TARBP1: variants seen among roughly 807,000 people sequenced by gnomAD.
The protein encoded by TARBP1 is tRNA (guanosine(18)-2'-O)-methyltransferase TARBP1.
In TARBP1, 144 loss-of-function variants were observed where a neutral mutation model predicts 178.6. The observed-to-expected ratio is 0.81, with a 90% CI of 0.70 to 0.93. The LOEUF is 0.93. Among genes scored for constraint, TARBP1 ranks in the 40% least tolerant of loss-of-function variants. The pLI, the probability that TARBP1 is intolerant of heterozygous loss-of-function variation, is 0.00. For missense variants in TARBP1, 2,067 were observed against 2,011.7 expected (o/e 1.03, Z -0.53); for synonymous variants, 787 against 781.0 (o/e 1.01, Z -0.13).
At chr1:234,476,231 T>C (rs1318120207) in intron 1 of TARBP1, among the ~76,000 whole-genome samples, 1 of 152,102 alleles carries the variant, frequency 6.6e-6, no homozygotes, top group East Asian at 1.9e-4. Context: ...GAGAAAAACA[T>C]GATGGCAGAC....
At chr1:234,408,049 A>G (rs938663629) in intron 23 of TARBP1, 1 of 152,218 alleles carries the variant, frequency 6.6e-6, no homozygotes, top group Non-Finnish European at 1.5e-5. Flanking sequence ...TGGCACTGCC[A>G]GTGATCGCTC....
At chr1:234,456,895 A>C (rs1667338932) in intron 9 of TARBP1, among the ~76,000 whole-genome samples, 1 of 152,240 alleles carries the variant, frequency 6.6e-6, no homozygotes, top group African/African-American at 2.4e-5. Flanking sequence ...ATAAAACAAA[A>C]TTCTATTTTT....
At chr1:234,402,022 CCAA>C (rs1435306333) in intron 24 of TARBP1, among the ~76,000 whole-genome samples, 1 of 152,222 alleles carries the variant, frequency 6.6e-6, no homozygotes, top group Non-Finnish European at 1.5e-5. Context: ...CCTATCTCCC[CCAA>C]CTTCCGCATC....
At chr1:234,472,654 T>G in intron 2 of TARBP1, 60 bp downstream of exon 2, 1 of 1,192,442 alleles carries the variant, frequency 8.4e-7, no homozygotes, top group Non-Finnish European at 1.2e-6. Context: ...TTAATGAATG[T>G]TTTTAAAAAA....
At chr1:234,462,408 A>G (rs1456341534) in intron 6 of TARBP1, among the ~76,000 whole-genome samples, 2 of 152,140 alleles carry the variant, frequency 1.3e-5, no homozygotes, top group African/African-American at 4.8e-5. Context: ...GAATGACTCT[A>G]GGCTGTGTGT....
intron 23 of TARBP1, chr1:234,406,380 A>G (rs917307158): frequency 9.7e-5 from 37 of 380,096 alleles, no homozygotes; most frequent in Admixed American, 3.2e-4. Flanking sequence ...AGTTAACTTG[A>G]AAAAAGTATG....
chr1:234,424,682 T>C lies in TARBP1; in HGVS notation c.3444+991A>G, dbSNP rs182719991. Among the ~76,000 whole-genome samples the C allele has an allele frequency of 2.5e-3, 382 of 152,196 alleles. 3 individuals are homozygous for C. The highest frequency in any genetic ancestry group is 8.8e-3 in the African/African-American group (367 of 41,524). ...AGCTCACACCTCTAATCCCAGCACT[T>C]TGGGAGGCCAAGGCAAGAGGATCAC... On this transcript the variant is annotated intron_variant, in intron 20 of 29. Transcript: ENST00000040877.
Position 234,430,135 on chromosome 1 carries a change from G to C in TARBP1, c.2561C>G (p.Pro854Arg), listed in dbSNP as rs780531376. Residue 854 changes from proline (P) to arginine (R), a missense_variant, in exon 15 of 30, where the codon CCC becomes CGC. By Grantham distance (103) the Pro-to-Arg change is moderately radical. Transcript: ENST00000040877. ...ATAACTGCTCTGCTCCTCTGCGTGG[G>C]GCTTCTGCAGCGTCTGATTGAGCTG... ...SLQLNQTLQK[P>R]HAEEQSSYAH... is the part of the protein sequence containing the mutation. The C allele has an allele frequency of 1.2e-6, 2 of 1,614,148 alleles. No individual in the cohort carries two copies. The highest frequency in any genetic ancestry group is 1.1e-5 in the South Asian group (1 of 91,078).
intron 25 of TARBP1, 139 bp from the exon 26 acceptor site, chr1:234,398,692 A>G: frequency 1.6e-6 from 1 of 642,724 alleles, no homozygotes; most frequent in Non-Finnish European, 2.4e-6. Context: ...TTTCATTTAT[A>G]TCTTATAGCA....
At chr1:234,441,979 T>C (rs1009966219) in intron 12 of TARBP1, among the ~76,000 whole-genome samples, 3 of 152,322 alleles carry the variant, frequency 2.0e-5, no homozygotes, top group South Asian at 2.1e-4. Flanking sequence ...AATTAATTTT[T>C]GACAAAAGTA....
rs963244192 is a variant in TARBP1 at position 234,435,937 on chromosome 1, A to C, written c.2232+1338T>G. 1.9e-4 allele frequency among the ~76,000 whole-genome samples: 29 copies of C among 152,316 alleles called. 1 individual carries two copies. The highest frequency in any genetic ancestry group is 2.9e-5 in the Non-Finnish European group (2 of 68,012). Reference sequence around the variant, plus strand: ...TCCCCTAGAGAGTCAGTCATTAAACACTGACCAGCACACTGCTGACAGGGG... The same window carrying C: ...TCCCCTAGAGAGTCAGTCATTAAACCCTGACCAGCACACTGCTGACAGGGG... On this transcript the variant is annotated intron_variant, in intron 13 of 29. Transcript: ENST00000040877.
chr1:234,432,210 G>T (rs982599799), intron 14 of TARBP1, among the ~76,000 whole-genome samples: 2 of 151,218 alleles, frequency 1.3e-5, no homozygotes, highest in African/African-American at 4.9e-5. Context: ...AGGAGGCTGA[G>T]GCAGGCAAAT....
intron 19 of TARBP1, among the ~76,000 whole-genome samples, chr1:234,426,025 C>T (rs2273871): frequency 0.11 from 16,916 of 152,168 alleles, 1,019 homozygotes; most frequent in Admixed American, 0.15. Flanking sequence ...ACAAATTCAT[C>T]CAGATTTCTG....
intron 6 of TARBP1, among the ~76,000 whole-genome samples, chr1:234,460,880 G>A (rs1038202427): frequency 4.6e-5 from 7 of 152,176 alleles, no homozygotes; most frequent in African/African-American, 1.7e-4. Flanking sequence ...ATGCTGATAC[G>A]TGCCATAACA....
intron 9 of TARBP1, among the ~76,000 whole-genome samples, chr1:234,454,767 C>T (rs1667117079): frequency 6.6e-6 from 1 of 152,192 alleles, no homozygotes; most frequent in African/African-American, 2.4e-5. Flanking sequence ...TGTGAAACTC[C>T]TGCAACCCTA....
intron 14 of TARBP1, among the ~76,000 whole-genome samples, chr1:234,432,939 T>TC (rs74308430): frequency 0.13 from 20,104 of 151,728 alleles, 1,454 homozygotes; most frequent in Middle Eastern, 0.26. Flanking sequence ...GATTTTAAGA[T>TC]GATGCCTCTT....
At chr1:234,407,124 G>GTGATGTTA (rs1661326072) in intron 23 of TARBP1, 2 of 152,272 alleles carry the variant, frequency 1.3e-5, no homozygotes, top group East Asian at 3.9e-4. Context: ...ATTACAAGGT[G>GTGATGTTA]TGATGTTATG....
chr1:234,437,827 G>A (rs1294266495), intron 12 of TARBP1, among the ~76,000 whole-genome samples: 5 of 152,246 alleles, frequency 3.3e-5, no homozygotes, highest in Non-Finnish European at 5.9e-5. Context: ...AACGAAACAG[G>A]AGAACTCCAG....
intron 20 of TARBP1, among the ~76,000 whole-genome samples, chr1:234,424,389 C>T (rs1663469722): frequency 6.6e-6 from 1 of 152,168 alleles, no homozygotes; most frequent in African/African-American, 2.4e-5. Context: ...ATTTAGCAGG[C>T]TCAAAAACAA....
Sources: allele counts gnomAD v4.1 joint callset (sites outside exome capture counted in the v4.1 genomes callset), GRCh38; gene constraint gnomAD v4.1.1; transcripts MANE v1.5; gene names NCBI Gene and HGNC (gene_info 2026-07-23, HGNC 2026-07-21).